The following CACNA1E variants were observed in gnomAD, a reference collection of about 807,000 sequenced individuals.
The protein encoded by CACNA1E is voltage-dependent R-type calcium channel subunit alpha-1E.
CACNA1E carries 40 observed loss-of-function variants against 259.2 expected under a neutral mutation model. That is an observed-to-expected ratio of 0.15 (90% confidence interval 0.12 to 0.20). The LOEUF is 0.20. Ranked by LOEUF, CACNA1E falls within the 10% of genes least tolerant of loss-of-function variation. The probability of loss-of-function intolerance (pLI) is 1.00; values close to 1 mark genes in which losing one functional copy is unlikely to be tolerated. For missense variants in CACNA1E, 1,874 were observed against 3,040.1 expected (o/e 0.62, Z 9.02); for synonymous variants, 1,104 against 1,138.5 (o/e 0.97, Z 0.61).
chr1:181,421,474 G>C (rs1658740973), intron 2 of CACNA1E, among the ~76,000 whole-genome samples: 1 of 152,158 alleles, frequency 6.6e-6, no homozygotes, highest in Admixed American at 6.5e-5. Flanking sequence ...ACTCTCAAAT[G>C]TAAATTTCCA....
chr1:181,669,791 C>T (rs937868996), intron 7 of CACNA1E, among the ~76,000 whole-genome samples: 3 of 152,104 alleles, frequency 2.0e-5, no homozygotes, highest in South Asian at 2.1e-4. Flanking sequence ...CCCCTGAAAC[C>T]CAAGTTTAAT....
At chr1:181,391,911 C>G (rs1012038749) in intron 1 of CACNA1E, among the ~76,000 whole-genome samples, 1 of 124,018 alleles carries the variant, frequency 8.1e-6, no homozygotes, top group African/African-American at 3.5e-5. Context: ...CTCTCTCTGT[C>G]TTTCTCTCTC....
chr1:181,371,734 CTTTAA>C (rs1163383812), intron 1 of CACNA1E, among the ~76,000 whole-genome samples: 1 of 152,130 alleles, frequency 6.6e-6, no homozygotes, highest in African/African-American at 2.4e-5. Flanking sequence ...ACATTTAAGT[CTTTAA>C]TTTATTTTGA....
intron 3 of CACNA1E, among the ~76,000 whole-genome samples, chr1:181,573,568 A>G (rs561791405): frequency 3.0e-4 from 46 of 152,306 alleles, no homozygotes; most frequent in African/African-American, 1.1e-3. Flanking sequence ...AGTCCTCAGT[A>G]AGAGTCTTTC....
At chr1:181,792,423 G>C (rs1332163080) in intron 44 of CACNA1E, among the ~76,000 whole-genome samples, 1 of 152,210 alleles carries the variant, frequency 6.6e-6, no homozygotes, top group Non-Finnish European at 1.5e-5. Context: ...CCATGATTGT[G>C]TGTGTGCATA....
intron 1 of CACNA1E, among the ~76,000 whole-genome samples, chr1:181,340,743 C>T (rs1250757042): frequency 6.6e-6 from 1 of 152,138 alleles, no homozygotes; most frequent in Non-Finnish European, 1.5e-5. Context: ...TTCTACCCTC[C>T]TGGCCTAGGA....
intron 7 of CACNA1E, among the ~76,000 whole-genome samples, chr1:181,664,061 C>T (rs185797485): frequency 1.3e-5 from 2 of 152,142 alleles, no homozygotes; most frequent in Non-Finnish European, 2.9e-5. Flanking sequence ...GTTTATAAAG[C>T]ATTTCATGTG....
intron 43 of CACNA1E, among the ~76,000 whole-genome samples, chr1:181,790,117 G>A (rs192100103): frequency 2.6e-5 from 4 of 152,068 alleles, no homozygotes; most frequent in Admixed American, 6.6e-5. Context: ...GTGTTTTTCC[G>A]CCAAATGGGG....
chr1:181,772,322 T>G (rs1037992334), intron 37 of CACNA1E, 91 bp downstream of exon 37: 6 of 1,316,814 alleles, frequency 4.6e-6, no homozygotes, highest in Non-Finnish European at 6.4e-6. Context: ...TTTGCTTCAG[T>G]GTATGTTTGT....
chr1:181,712,822 G>A (rs576947742), intron 8 of CACNA1E, among the ~76,000 whole-genome samples: 1 of 152,218 alleles, frequency 6.6e-6, no homozygotes, highest in African/African-American at 2.4e-5. Flanking sequence ...CACTAAGAGA[G>A]CTGGCAGCAG....
At chr1:181,481,803 CCA>C (rs1663270136), upstream of CACNA1E, among the ~76,000 whole-genome samples, 1 of 152,134 alleles carries the variant, frequency 6.6e-6, no homozygotes, top group Non-Finnish European at 1.5e-5. Flanking sequence ...TCCACCTTTC[CCA>C]CCTCTGCAGC....
intron 3 of CACNA1E, among the ~76,000 whole-genome samples, chr1:181,540,833 A>G (rs1668525605): frequency 6.6e-6 from 1 of 152,180 alleles, no homozygotes; most frequent in Admixed American, 6.5e-5. Flanking sequence ...TGGAGTCCTC[A>G]TTTCCTTATA....
intron 1 of CACNA1E, among the ~76,000 whole-genome samples, chr1:181,325,566 G>A (rs769040449): frequency 2.6e-5 from 4 of 152,242 alleles, no homozygotes; most frequent in East Asian, 1.9e-4. Flanking sequence ...TCTCATGCAC[G>A]TTAGTTTGGG....
At chr1:181,717,404 T>G in intron 11 of CACNA1E, 102 bp downstream of exon 11, 1 of 913,794 alleles carries the variant, frequency 1.1e-6, no homozygotes, top group Non-Finnish European at 1.8e-6. Flanking sequence ...CTAGGAAAGG[T>G]TCTACCTCTT....
At chr1:181,422,906 C>T (rs1168195808) in intron 2 of CACNA1E, among the ~76,000 whole-genome samples, 1 of 152,028 alleles carries the variant, frequency 6.6e-6, no homozygotes, top group African/African-American at 2.4e-5. Flanking sequence ...ATGGCTTTCT[C>T]AACTTTGAAA....
chr1:181,421,515 T>C (rs1571828752), intron 2 of CACNA1E, among the ~76,000 whole-genome samples: 1 of 152,312 alleles, frequency 6.6e-6, no homozygotes, highest in East Asian at 1.9e-4. Context: ...GCCAAATGCT[T>C]GTCTGGCATC....
At chr1:181,692,215 A>G (rs1316924437) in intron 7 of CACNA1E, among the ~76,000 whole-genome samples, 1 of 152,224 alleles carries the variant, frequency 6.6e-6, no homozygotes, top group Non-Finnish European at 1.5e-5. Context: ...TGGAAGAGTC[A>G]GTATTGTTAA....
intron 19 of CACNA1E, among the ~76,000 whole-genome samples, chr1:181,731,899 T>C (rs962015027): frequency 1.3e-5 from 2 of 152,042 alleles, no homozygotes; most frequent in African/African-American, 4.8e-5. Context: ...CTTCTTACCC[T>C]TCAATGGTAT....
intron 7 of CACNA1E, among the ~76,000 whole-genome samples, chr1:181,670,381 C>T (rs1377470956): frequency 6.6e-6 from 1 of 152,312 alleles, no homozygotes; most frequent in East Asian, 1.9e-4. Flanking sequence ...CCCTTGGTGT[C>T]AAGTGTATCA....
Sources: gnomAD v4.1 joint callset for allele counts (sites outside exome capture counted in the v4.1 genomes callset) on GRCh38, gnomAD v4.1.1 for gene constraint, MANE v1.5 for transcripts, NCBI Gene and HGNC (gene_info 2026-07-23, HGNC 2026-07-21) for gene names.